ZC2HC1B: variants seen among roughly 807,000 people sequenced by gnomAD.
ZC2HC1B encodes the protein zinc finger C2HC-type containing 1B.
A neutral mutation model predicts 31.0 loss-of-function variants in ZC2HC1B; 36 were observed. That is an observed-to-expected ratio of 1.16 (90% CI 0.89 to 1.54). The LOEUF (loss-of-function observed/expected upper bound fraction) is 1.54. ZC2HC1B is among the 40% of genes most tolerant of loss of function. The pLI is 0.00. For missense variants in ZC2HC1B, 260 were observed against 268.6 expected (o/e 0.97, Z 0.22); for synonymous variants, 73 against 88.0 (o/e 0.83, Z 0.95).
At chr6:143,894,981 C>T (rs547860472) in intron 4 of ZC2HC1B, among the ~76,000 whole-genome samples, 1 of 152,284 alleles carries the variant, frequency 6.6e-6, no homozygotes, top group South Asian at 2.1e-4. Context: ...TATTTCTATG[C>T]TAACACATAA....
In ZC2HC1B at chr6:143,872,405, G is replaced by C. The variant is rs902672003; in HGVS notation, c.28+7838G>C. Among the ~76,000 whole-genome samples the C allele has an allele frequency of 6.6e-6, 1 of 152,220 alleles. No individual in the cohort carries two copies. The highest frequency in any genetic ancestry group is 2.4e-5 in the African/African-American group (1 of 41,456). On this transcript the variant is annotated intron_variant, in intron 1 of 7. Coordinates refer to ENST00000237275, the MANE Select transcript of ZC2HC1B (RefSeq NM_001013623.3). The surrounding 1 kb of genome is among the most constrained non-coding windows in gnomAD (Gnocchi z 5.5). ...CAGTGCCAGAGCTCTATATGTGTCA[G>C]ACTATTCTGATTGTTGCCACTTTGC...
In ZC2HC1B at chr6:143,898,591, A is replaced by G; in HGVS notation, c.389A>G (p.Glu130Gly). The change falls in exon 5 of 8, where the codon GAA (glutamate) becomes GGA (glycine). Residue 130 changes from glutamate (E) to glycine (G), a missense_variant. Glu to Gly is a moderately conservative substitution (Grantham distance 98, BLOSUM62 -2). Transcript: ENST00000237275. Reference protein sequence around the residue: ...QRPYCMRRFNESAAERHTNFC... With the variant: ...QRPYCMRRFNGSAAERHTNFC... ...CCATATTGTATGAGAAGGTTTAATG[A>G]AAGCGCAGCTGAGCGACATACTAAT... 6.4e-7 allele frequency: 1 copy of G among 1,551,808 alleles called. No individual in the cohort carries two copies. Among genetic ancestry groups the G allele is most frequent in the Non-Finnish European group, 8.7e-7 (1 of 1,146,998 alleles).
At chr6:143,875,086 G>C (rs2128493335) in intron 1 of ZC2HC1B, among the ~76,000 whole-genome samples, 1 of 152,282 alleles carries the variant, frequency 6.6e-6, no homozygotes, top group African/African-American at 2.4e-5. Flanking sequence ...GCCCACCTCA[G>C]CTTTCCAGAG....
intron 6 of ZC2HC1B, among the ~76,000 whole-genome samples, chr6:143,916,904 G>A (rs1352263475): frequency 6.6e-6 from 1 of 152,190 alleles, no homozygotes; most frequent in South Asian, 2.1e-4. Context: ...GTGGACTTTT[G>A]CGTTAATGCT....
intron 6 of ZC2HC1B, 118 bp from the exon 7 acceptor site, chr6:143,937,531 A>AC (rs1554242683): frequency 3.4e-6 from 2 of 594,876 alleles, no homozygotes; most frequent in Admixed American, 5.1e-5. Context: ...CCCACCTCCC[A>AC]CCAAAAAAAA....
chr6:143,928,385 A>G (rs1016039522), intron 6 of ZC2HC1B, among the ~76,000 whole-genome samples: 2 of 152,000 alleles, frequency 1.3e-5, no homozygotes, highest in African/African-American at 2.4e-5. Context: ...TCTCTGATGT[A>G]TGTTTTTGTC....
chr6:143,867,636 C>CAAAAGGGA (rs761782841), intron 1 of ZC2HC1B, among the ~76,000 whole-genome samples: 25 of 152,186 alleles, frequency 1.6e-4, no homozygotes, highest in Non-Finnish European at 3.1e-4. Flanking sequence ...GATCAGGACA[C>CAAAAGGGA]AAAAGGGAGA....
rs557728865 is a variant in ZC2HC1B, at chr6:143,905,686, T to C, written c.598+2534T>C. Among the ~76,000 whole-genome samples the C allele has an allele frequency of 6.6e-6, 1 of 152,350 alleles. No individual in the cohort carries two copies. The highest frequency in any genetic ancestry group is 2.4e-5 in the African/African-American group (1 of 41,584). ...TCAGCATTGAGTATGGTGATCTCTGTGGGTTTTACATGTATGGTTTTTATT... is the reference window on the plus strand; with the variant it reads ...TCAGCATTGAGTATGGTGATCTCTGCGGGTTTTACATGTATGGTTTTTATT... On this transcript the variant is annotated intron_variant, in intron 6 of 7. Transcript: ENST00000237275. The surrounding 1 kb of genome is among the most constrained non-coding windows in gnomAD (Gnocchi z 4.2).
intron 6 of ZC2HC1B, among the ~76,000 whole-genome samples, chr6:143,935,580 G>GT: frequency 1.4e-5 from 2 of 145,396 alleles, no homozygotes; most frequent in East Asian, 4.0e-4. Context: ...TTGTTGTTGG[G>GT]TTTTTTGTTA....
chr6:143,890,800 G>A (rs1295424643), intron 4 of ZC2HC1B, among the ~76,000 whole-genome samples: 1 of 152,118 alleles, frequency 6.6e-6, no homozygotes, highest in East Asian at 1.9e-4. Context: ...AAACAAGTGA[G>A]TTGTAGTTCT....
intron 6 of ZC2HC1B, among the ~76,000 whole-genome samples, chr6:143,930,903 A>G (rs1208275775): frequency 6.6e-6 from 1 of 152,186 alleles, no homozygotes; most frequent in East Asian, 1.9e-4. Context: ...GTCTACAGTG[A>G]TTAAGTCCAG....
Position 143,883,681 on chromosome 6 carries a change from T to C in ZC2HC1B, c.29-623T>C, listed in dbSNP as rs983341860. Among the ~76,000 whole-genome samples, 1 of 152,236 alleles carries C rather than the reference T, an allele frequency of 6.6e-6. No homozygotes were observed. Among genetic ancestry groups the C allele is most frequent in the African/African-American group, 2.4e-5 (1 of 41,460 alleles). On this transcript the variant is annotated intron_variant, in intron 1 of 7. Transcript: ENST00000237275. This position sits in a 1 kb window ranked among gnomAD's most constrained non-coding sequence, Gnocchi z 4.1. ...TAATATTTTGCTTTTCTCATGATACTTTTCCAATGTCATTAATTTATCTGC... is the reference window on the plus strand; with the variant it reads ...TAATATTTTGCTTTTCTCATGATACCTTTCCAATGTCATTAATTTATCTGC...
chr6:143,893,888 G>A (rs961709505), intron 4 of ZC2HC1B, among the ~76,000 whole-genome samples: 10 of 151,980 alleles, frequency 6.6e-5, no homozygotes, highest in East Asian at 3.9e-4. Context: ...GGATTTCACC[G>A]TGTTAGCCAG....
chr6:143,900,236 A>G (rs1777719782), intron 5 of ZC2HC1B, among the ~76,000 whole-genome samples: 1 of 152,042 alleles, frequency 6.6e-6, no homozygotes, highest in Non-Finnish European at 1.5e-5. Context: ...CTAAAAATAC[A>G]AAATCAGCCG....
Position 143,885,915 on chromosome 6 carries a change from G to A in ZC2HC1B, c.91-117G>A. On this transcript the variant is annotated intron_variant, in intron 2 of 7. Transcript: ENST00000237275. The surrounding 1 kb of genome is among the most constrained non-coding windows in gnomAD (Gnocchi z 4.2). ...GCTCTGCTGTGACCTGTTAGAGAAT[G>A]AACTAGGCTCTGAGGAGCAAACATA... The A allele has an allele frequency of 8.4e-7, 1 of 1,183,766 alleles. No homozygotes were observed. The highest frequency in any genetic ancestry group is 1.1e-6 in the Non-Finnish European group (1 of 898,672). The allele number at this position is 1,183,766 out of a possible 1,614,324, so 73.3% of individuals were successfully genotyped here.
chr6:143,877,103 C>T (rs1238580315), intron 1 of ZC2HC1B, among the ~76,000 whole-genome samples: 1 of 149,718 alleles, frequency 6.7e-6, no homozygotes, highest in East Asian at 1.9e-4. Context: ...TGTATTTTCT[C>T]CTTTTTCTCT....
intron 6 of ZC2HC1B, among the ~76,000 whole-genome samples, chr6:143,925,671 G>A (rs1032817608): frequency 7.3e-5 from 11 of 151,654 alleles, no homozygotes; most frequent in African/African-American, 2.7e-4. Flanking sequence ...CGAGTAGCTG[G>A]GATTATAGGC....
At chr6:143,928,548 G>C (rs527935644) in intron 6 of ZC2HC1B, among the ~76,000 whole-genome samples, 1 of 151,832 alleles carries the variant, frequency 6.6e-6, no homozygotes, top group African/African-American at 2.4e-5. Flanking sequence ...GTAATGTGAT[G>C]CCTGCTTTTG....
At chr6:143,937,010 T>C (rs1778186699) in intron 6 of ZC2HC1B, among the ~76,000 whole-genome samples, 1 of 152,176 alleles carries the variant, frequency 6.6e-6, no homozygotes, top group Non-Finnish European at 1.5e-5. Context: ...GAAAGGAGGC[T>C]TCTTAGGACA....
Sources: gnomAD v4.1 joint callset for allele counts (sites outside exome capture counted in the v4.1 genomes callset) on GRCh38, gnomAD v4.1.1 for gene constraint, Gnocchi (gnomAD v3.1) non-coding constraint, MANE v1.5 for transcripts, NCBI Gene and HGNC (gene_info 2026-07-23, HGNC 2026-07-21) for gene names.